The following HELZ variants were observed in gnomAD, a reference collection of about 807,000 sequenced individuals.
HELZ encodes the protein helicase with zinc finger, also known as ATP-dependent RNA helicase with zinc finger domain.
In HELZ, 23 loss-of-function variants were observed where a neutral mutation model predicts 218.2. The ratio of observed to expected loss-of-function variants is 0.11; its 90% CI spans 0.08 to 0.15. The LOEUF is 0.15. Among genes scored for constraint, HELZ ranks in the 10% least tolerant of loss-of-function variants. The probability of loss-of-function intolerance (pLI) is 1.00; values close to 1 mark genes in which losing one functional copy is unlikely to be tolerated. For synonymous variants in HELZ, 814 were observed against 829.4 expected, an observed-to-expected ratio of 0.98 and a Z score of 0.32; for missense variants, 1,813 against 2,353.7, an observed-to-expected ratio of 0.77 and a Z score of 4.75.
At position 67,086,887 on chromosome 17, in the gene HELZ, A is replaced by C. The variant is rs1242913692; in HGVS notation, c.5436T>G (p.Pro1812=). 2 of 1,613,554 alleles carry C rather than the reference A, an allele frequency of 1.2e-6. No individual in the cohort carries two copies. The highest frequency in any genetic ancestry group is 1.7e-6 in the Non-Finnish European group (2 of 1,179,948). The change falls in exon 32 of 33, where the codon CCT becomes CCG. Residue 1812 remains proline (P), a synonymous_variant. Transcript: ENST00000358691. ...ESWVNTTSST[P]YQNIPCNGSS... ...ATCCATTGCACGGAATGTTCTGATAAGGAGTAGATGAGGTGGTGTTTACCC... is the reference window on the plus strand; with the variant it reads ...ATCCATTGCACGGAATGTTCTGATACGGAGTAGATGAGGTGGTGTTTACCC...
intron 27 of HELZ, among the ~76,000 whole-genome samples, 180 bp from the exon 28 acceptor site, chr17:67,114,583 GAAAACTTAC>G (rs1326326708): frequency 6.6e-6 from 1 of 152,136 alleles, no homozygotes; most frequent in Non-Finnish European, 1.5e-5. Flanking sequence ...CTGCAAGAAA[GAAAACTTAC>G]AAATGAAGCA....
chr17:67,122,818 G>A (rs2037656071), intron 26 of HELZ, 152 bp downstream of exon 26: 2 of 559,302 alleles, frequency 3.6e-6, no homozygotes, highest in Non-Finnish European at 3.2e-6. Flanking sequence ...GTAATTTCAA[G>A]GTTAGAGGTA....
intron 27 of HELZ, among the ~76,000 whole-genome samples, chr17:67,116,926 G>A (rs367785996): frequency 2.0e-5 from 3 of 151,968 alleles, no homozygotes; most frequent in African/African-American, 4.8e-5. Flanking sequence ...CATGAATCTC[G>A]GCTCACTGCA....
chr17:67,213,217 CAT>C (rs1171625907), intron 5 of HELZ, among the ~76,000 whole-genome samples: 8 of 152,150 alleles, frequency 5.3e-5, no homozygotes, highest in South Asian at 4.1e-4. Context: ...ATTTCTCACA[CAT>C]GAGATTGGCA....
intron 15 of HELZ, among the ~76,000 whole-genome samples, chr17:67,165,315 A>T (rs1305456057): frequency 6.6e-6 from 1 of 152,214 alleles, no homozygotes; most frequent in Non-Finnish European, 1.5e-5. Context: ...TTTTAGGACC[A>T]GAAGAAATGG....
At chr17:67,161,923 G>GT (rs1481837980) in intron 15 of HELZ, among the ~76,000 whole-genome samples, 1 of 152,098 alleles carries the variant, frequency 6.6e-6, no homozygotes, top group Admixed American at 6.5e-5. Flanking sequence ...AACAACTATG[G>GT]TAAAAATGAG....
intron 2 of HELZ, among the ~76,000 whole-genome samples, chr17:67,243,522 A>C (rs1289371775): frequency 6.6e-6 from 1 of 152,240 alleles, no homozygotes; most frequent in Non-Finnish European, 1.5e-5. Flanking sequence ...TGGTGAAGAT[A>C]CTGATCAAGA....
chr17:67,187,330 TAGA>T (rs1365516124), intron 12 of HELZ, among the ~76,000 whole-genome samples: 6 of 152,098 alleles, frequency 3.9e-5, no homozygotes, highest in Admixed American at 1.3e-4. Flanking sequence ...TTAGCACACG[TAGA>T]AGAAGATGTC....
At chr17:67,147,672 G>GA (rs2038545638) in intron 20 of HELZ, among the ~76,000 whole-genome samples, 1 of 150,648 alleles carries the variant, frequency 6.6e-6, no homozygotes, top group Non-Finnish European at 1.5e-5. Context: ...GGTAGGAAGG[G>GA]GGGGTCTTTC....
chr17:67,216,909 T>C (rs879261688), intron 4 of HELZ, among the ~76,000 whole-genome samples: 9 of 152,196 alleles, frequency 5.9e-5, no homozygotes, highest in Non-Finnish European at 8.8e-5. Context: ...CTTTGCTGGT[T>C]GTTGCTCTGC....
intron 9 of HELZ, 93 bp downstream of exon 9, chr17:67,193,874 G>T: frequency 2.2e-6 from 2 of 900,470 alleles, no homozygotes; most frequent in Non-Finnish European, 1.8e-6. Context: ...GTTTCAAATT[G>T]AAAATAAACC....
chr17:67,140,076 G>T (rs2038275044), intron 21 of HELZ, among the ~76,000 whole-genome samples: 1 of 152,210 alleles, frequency 6.6e-6, no homozygotes. Context: ...GAAGACCTAT[G>T]CTGGGTAGAT....
rs2037707086 is a variant in HELZ at position 67,124,084 on chromosome 17, T to C, written c.3388-70A>G. On this transcript the variant is annotated intron_variant, in intron 24 of 32. Transcript: ENST00000358691. ...TATTAGAAAACAATAACCATTTTCC[T>C]AATCATATGTAAATTAATGTACACA... is the stretch of plus-strand genomic sequence containing the variant. 3.0e-6 allele frequency: 3 copies of C among 996,356 alleles called. No homozygotes were observed. In the East Asian group the frequency reaches 7.3e-5, roughly 24 times the overall value. 61.7% of individuals were successfully genotyped at this position (996,356 alleles called of 1,614,324 possible).
chr17:67,245,309 C>A (rs1438995842), upstream of HELZ: 4 of 835,154 alleles, frequency 4.8e-6, no homozygotes, highest in South Asian at 2.1e-4. Flanking sequence ...GGAAAGTTGC[C>A]CCGGGTGGAC....
At chr17:67,127,598 A>G (rs558125052) in intron 24 of HELZ, among the ~76,000 whole-genome samples, 1 of 152,326 alleles carries the variant, frequency 6.6e-6, no homozygotes, top group African/African-American at 2.4e-5. Context: ...CTTTAATCCC[A>G]GCACTTTGGG....
At chr17:67,245,024 C>T in intron 1 of HELZ, 124 bp downstream of exon 1, 2 of 985,404 alleles carry the variant, frequency 2.0e-6, no homozygotes, top group Non-Finnish European at 2.4e-6. Flanking sequence ...AGGCCCCCAG[C>T]CTGCCCCGGG....
intron 9 of HELZ, among the ~76,000 whole-genome samples, chr17:67,193,608 C>A (rs1308481418): frequency 6.6e-6 from 1 of 151,846 alleles, no homozygotes; most frequent in East Asian, 1.9e-4. Context: ...CCCAGATACT[C>A]AGGAGGCTGA....
rs188033565 is a variant in HELZ, at chr17:67,182,968, T to C, written c.1163-4042A>G. ...CGGTGGGGAAATCGAGTGTTCTAAG[T>C]ACCCAGCACAAGGGTTGACATGTAA... On this transcript the variant is annotated intron_variant, in intron 12 of 32. Transcript: ENST00000358691. Among the ~76,000 whole-genome samples the C allele has an allele frequency of 3.3e-4, 51 of 152,320 alleles. No homozygotes were observed. The East Asian group carries it at 9.4e-3, about 28-fold the overall frequency.
chr17:67,213,247 G>T (rs1036517670), intron 5 of HELZ, among the ~76,000 whole-genome samples: 3 of 152,174 alleles, frequency 2.0e-5, no homozygotes, highest in Non-Finnish European at 2.9e-5. Flanking sequence ...AACACTGACA[G>T]GTTTCAGTGA....
Sources: allele counts gnomAD v4.1 joint callset (sites outside exome capture counted in the v4.1 genomes callset), GRCh38; gene constraint gnomAD v4.1.1; transcripts MANE v1.5; gene names NCBI Gene and HGNC (gene_info 2026-07-23, HGNC 2026-07-21).